ARMCX4: variants seen among roughly 807,000 people sequenced by gnomAD.
The protein encoded by ARMCX4 is armadillo repeat-containing X-linked protein 4.
In ARMCX4, 3 loss-of-function variants were observed where a neutral mutation model predicts 34.7. The ratio of observed to expected loss-of-function variants is 0.09; its 90% CI spans 0.04 to 0.22. The LOEUF is 0.22. Among genes scored for constraint, ARMCX4 ranks in the 10% least tolerant of loss-of-function variants. The pLI is 1.00. For synonymous variants in ARMCX4, 513 were observed against 632.8 expected (o/e 0.81, Z 2.84); for missense variants, 1,448 against 1,720.8 (o/e 0.84, Z 2.81).
chrX:101,462,179 T>C (rs972182150), intron 4 of ARMCX4, among the ~76,000 whole-genome samples: 6 of 112,320 alleles, frequency 5.3e-5, no homozygotes, highest in Non-Finnish European at 1.1e-4. Flanking sequence ...TATGTAGCTA[T>C]ACAGTAGTAA....
chrX:101,526,745 A>G (rs782069528), intron 11 of ARMCX4, among the ~76,000 whole-genome samples: 13 of 112,367 alleles, frequency 1.2e-4, no homozygotes, highest in Non-Finnish European at 9.4e-5. Context: ...AGGCCATTAC[A>G]TAATGGTGAA....
upstream of ARMCX4, among the ~76,000 whole-genome samples, chrX:101,484,305 C>T (rs1228059251): frequency 1.8e-5 from 2 of 111,858 alleles, no homozygotes; most frequent in South Asian, 3.7e-4. Context: ...AGTGTTACGA[C>T]GGATGAAAAT....
chrX:101,447,952 T>A (rs1412043473), downstream of ARMCX4: 6 of 111,466 alleles, frequency 5.4e-5, no homozygotes, highest in Non-Finnish European at 1.1e-4. Flanking sequence ...TTTTAACTAT[T>A]TTATTGTACC....
intron 2 of ARMCX4, among the ~76,000 whole-genome samples, chrX:101,440,529 A>T (rs1184368007): frequency 3.6e-5 from 4 of 111,616 alleles, no homozygotes; most frequent in Admixed American, 9.5e-5. Context: ...AAGTCTGCAG[A>T]GGTTTTGGCT....
At chrX:101,427,782 C>T (rs1929724840) in intron 2 of ARMCX4, among the ~76,000 whole-genome samples, 1 of 111,307 alleles carries the variant, frequency 9.0e-6, no homozygotes, top group African/African-American at 3.3e-5. Context: ...TTTATAAAAT[C>T]CTACTCTTGT....
rs1556010505 is a variant in ARMCX4 at position 101,493,739 on chromosome X, C to T, written c.5150C>T (p.Ala1717Val). ...GGSWARSEDQASGRFQVSFEV... is the reference protein window; with the variant it reads ...GGSWARSEDQVSGRFQVSFEV... ...TCCTGGGCTAGATCTGAGGACCAGGCCAGTGGAAGGTTCCAGGTCAGTTTT... is the reference window on the plus strand; with the variant it reads ...TCCTGGGCTAGATCTGAGGACCAGGTCAGTGGAAGGTTCCAGGTCAGTTTT... Residue 1717 changes from alanine to valine, a missense_variant, in exon 6 of 6, where the codon GCC becomes GTC. Coordinates refer to ENST00000423738, the MANE Select transcript of ARMCX4 (RefSeq NM_001256155.3). 2.6e-6 allele frequency: 3 copies of T among 1,150,546 alleles called. No individual in the cohort carries two copies. In the African/African-American group the frequency reaches 5.5e-5, roughly 21 times the overall value. The allele number at this position is 1,150,546 out of a possible 1,213,427, so 94.8% of individuals were successfully genotyped here. A position where few individuals can be genotyped will look rare whatever the true frequency, so the allele number is the denominator to read the frequency against.
At chrX:101,501,655 C>T (rs1381509660) in intron 7 of ARMCX4, among the ~76,000 whole-genome samples, 4 of 112,439 alleles carry the variant, frequency 3.6e-5, no homozygotes, top group Non-Finnish European at 7.5e-5. Flanking sequence ...TAATTATATG[C>T]TAATGAAGGA....
intron 1 of ARMCX4, 125 bp downstream of exon 1, chrX:101,485,655 G>GA (rs1221871091): frequency 1.8e-5 from 2 of 113,094 alleles, no homozygotes; most frequent in Non-Finnish European, 3.7e-5. Context: ...CTTTGCCTCT[G>GA]ATTCTCCCTA....
At chrX:101,430,828 A>C (rs782374966) in intron 2 of ARMCX4, among the ~76,000 whole-genome samples, 1 of 112,205 alleles carries the variant, frequency 8.9e-6, no homozygotes, top group Non-Finnish European at 1.9e-5. Flanking sequence ...TTTATCTTCC[A>C]CAAATGAGGC....
chrX:101,492,139 G>T lies in ARMCX4; in HGVS notation c.3550G>T (p.Gly1184Trp). 1 of 1,153,436 alleles carries T rather than the reference G, an allele frequency of 8.7e-7. No homozygotes were observed. Among genetic ancestry groups the T allele is most frequent in the Non-Finnish European group, 1.1e-6 (1 of 871,750 alleles). The part of the protein sequence containing the change: ...VVGIGTWARA[G>W]EQASGGLWAG... The stretch of plus-strand genomic sequence containing the variant: ...TGGTATTGGGACTTGGGCTAGAGCT[G>T]GGGAGCAGGCCAGTGGAGGGCTCTG... Residue 1184 changes from glycine (G) to tryptophan (W), a missense_variant, in exon 6 of 6, where the codon GGG becomes TGG. Gly to Trp is a radical substitution (Grantham distance 184). This residue lies in a region of ARMCX4 where 1,343 missense variants were observed against 1,540.7 expected (regional missense o/e 0.87). Transcript: ENST00000423738.
chrX:101,482,133 C>A (rs373196933), upstream of ARMCX4, among the ~76,000 whole-genome samples: 53 of 110,670 alleles, frequency 4.8e-4, 1 homozygote, highest in East Asian at 0.013. Flanking sequence ...ACTAGGGAGG[C>A]TGAGGCATGA....
intron 2 of ARMCX4, among the ~76,000 whole-genome samples, chrX:101,420,889 A>T (rs1352254307): frequency 8.9e-6 from 1 of 112,326 alleles, no homozygotes; most frequent in East Asian, 2.8e-4. Context: ...AACGAATCAG[A>T]TTTGTCTTTG....
chrX:101,515,395 C>CTTTCTTTCTTTCTTTCTTTTTCTT (rs1556017495), intron 11 of ARMCX4, among the ~76,000 whole-genome samples: 1 of 2,102 alleles, frequency 4.8e-4, no homozygotes, highest in Admixed American at 8.6e-3. Flanking sequence ...CTTTCTTTCC[C>CTTTCTTTCTTTCTTTCTTTTTCTT]TCCCTCCCTC....
intron 11 of ARMCX4, among the ~76,000 whole-genome samples, chrX:101,525,420 G>A (rs782423837): frequency 2.7e-5 from 3 of 111,897 alleles, no homozygotes; most frequent in Non-Finnish European, 5.6e-5. Context: ...CTCCTCCAAA[G>A]GATCGCAGCT....
chrX:101,481,918 G>T (rs2147650299), upstream of ARMCX4, among the ~76,000 whole-genome samples: 1 of 111,154 alleles, frequency 9.0e-6, no homozygotes, highest in African/African-American at 3.3e-5. Flanking sequence ...TGAAAAAAAA[G>T]CAAGTTGCAA....
At chrX:101,449,681 G>C (rs1364453979), downstream of ARMCX4, among the ~76,000 whole-genome samples, 1 of 112,007 alleles carries the variant, frequency 8.9e-6, no homozygotes, top group Non-Finnish European at 1.9e-5. Flanking sequence ...CTAAAAGATA[G>C]CATGTCTCTT....
chrX:101,433,347 T>C (rs781955154), intron 2 of ARMCX4, among the ~76,000 whole-genome samples: 4 of 109,420 alleles, frequency 3.7e-5, no homozygotes, highest in Non-Finnish European at 7.6e-5. Context: ...TACATATATG[T>C]ACATATATAC....
At chrX:101,434,682 A>G (rs1380584338) in intron 2 of ARMCX4, among the ~76,000 whole-genome samples, 3 of 109,780 alleles carry the variant, frequency 2.7e-5, no homozygotes, top group African/African-American at 9.9e-5. Context: ...ACATGTGCAC[A>G]ACGTGCTGGT....
intron 2 of ARMCX4, among the ~76,000 whole-genome samples, chrX:101,429,210 G>C (rs940810029): frequency 3.6e-5 from 4 of 110,764 alleles, no homozygotes; most frequent in Non-Finnish European, 7.5e-5. Context: ...AGACAGACTT[G>C]CCTTTGAATC....
Sources: allele counts gnomAD v4.1 joint callset (sites outside exome capture counted in the v4.1 genomes callset), GRCh38; gene constraint gnomAD v4.1.1; regional missense constraint gnomAD v4.1.1; transcripts MANE v1.5; gene names NCBI Gene and HGNC (gene_info 2026-07-23, HGNC 2026-07-21).